Variants in NAV3 observed in about 807,000 individuals in gnomAD.
NAV3 encodes the protein pore membrane and/or filament interacting like protein 1.
NAV3 carries 87 observed loss-of-function variants against 244.7 expected under a neutral mutation model. The observed-to-expected ratio is 0.36, with a 90% CI of 0.30 to 0.42. The LOEUF (loss-of-function observed/expected upper bound fraction) is 0.42. Among genes scored for constraint, NAV3 ranks in the 20% least tolerant of loss-of-function variants. The pLI is 1.00. For synonymous variants in NAV3, 1,126 were observed against 1,042.2 expected, an observed-to-expected ratio of 1.08 and a Z score of -1.55; for missense variants, 2,663 against 2,893.3, an observed-to-expected ratio of 0.92 and a Z score of 1.83.
chr12:77,980,731 T>C (rs1312237814), intron 5 of NAV3, among the ~76,000 whole-genome samples: 1 of 152,184 alleles, frequency 6.6e-6, no homozygotes, highest in Non-Finnish European at 1.5e-5. Context: ...CAGAACAGCA[T>C]TGTAGCGTAG....
At chr12:77,631,243 C>G (rs1471448583) in intron 2 of NAV3, among the ~76,000 whole-genome samples, 1 of 152,104 alleles carries the variant, frequency 6.6e-6, no homozygotes, top group Non-Finnish European at 1.5e-5. Context: ...CTCCCAGTCC[C>G]TCAGCTACTC....
chr12:77,792,808 T>G (rs377730834), intron 2 of NAV3, among the ~76,000 whole-genome samples: 1 of 152,182 alleles, frequency 6.6e-6, no homozygotes, highest in African/African-American at 2.4e-5. Flanking sequence ...GTACACTTAA[T>G]CTCATCTTGA....
chr12:77,722,272 T>C (rs1876672685), intron 2 of NAV3, among the ~76,000 whole-genome samples: 1 of 152,084 alleles, frequency 6.6e-6, no homozygotes, highest in African/African-American at 2.4e-5. Flanking sequence ...CATACTTTAT[T>C]TGATAGGGAT....
At chr12:78,002,097 T>G (rs1593245773) in intron 7 of NAV3, among the ~76,000 whole-genome samples, 1 of 152,336 alleles carries the variant, frequency 6.6e-6, no homozygotes. Context: ...GCAAGTTACC[T>G]TAAGAAATCA....
At chr12:77,654,304 C>A (rs1482466346) in intron 2 of NAV3, among the ~76,000 whole-genome samples, 4 of 152,386 alleles carry the variant, frequency 2.6e-5, no homozygotes, top group African/African-American at 9.6e-5. Flanking sequence ...GAGATTATAT[C>A]CTGCACCTGG....
intron 12 of NAV3, among the ~76,000 whole-genome samples, 199 bp from the exon 13 acceptor site, chr12:78,116,556 CACTGATTCTTTCCAAAT>C (rs1420819553): frequency 6.6e-6 from 1 of 152,152 alleles, no homozygotes; most frequent in African/African-American, 2.4e-5. Context: ...CTGCTCTAGA[CACTGATTCTTTCCAAAT>C]ATCAGATAAG....
chr12:78,027,850 AT>A (rs1235544923), intron 9 of NAV3, among the ~76,000 whole-genome samples: 3 of 151,730 alleles, frequency 2.0e-5, no homozygotes, highest in Non-Finnish European at 4.4e-5. Flanking sequence ...TTGTTTGCTT[AT>A]TTTTCATTGT....
At chr12:78,149,794 T>G (rs1957002378) in intron 22 of NAV3, among the ~76,000 whole-genome samples, 1 of 152,054 alleles carries the variant, frequency 6.6e-6, no homozygotes, top group Non-Finnish European at 1.5e-5. Context: ...GCATGATATG[T>G]CAAGAGTGAG....
intron 12 of NAV3, among the ~76,000 whole-genome samples, chr12:78,099,097 A>T (rs1419392495): frequency 1.3e-5 from 2 of 151,546 alleles, no homozygotes; most frequent in Non-Finnish European, 3.0e-5. Flanking sequence ...TTGTATATTT[A>T]TCCTAATACA....
At position 77,884,579 on chromosome 12, in the gene NAV3, C is replaced by G. The variant is rs143528603; in HGVS notation, c.243+52875C>G. ...GAAAAAGGGTGTCCCAGCTACAGCA[C>G]AGAGAGAGCAAATTTACCCTTCCTT... is the stretch of plus-strand genomic sequence containing the variant. On this transcript the variant is annotated intron_variant, in intron 1 of 39. Transcript: ENST00000397909. 1.5e-3 allele frequency among the ~76,000 whole-genome samples: 234 copies of G among 152,264 alleles called. 1 individual carries two copies. The highest frequency in any genetic ancestry group is 5.0e-3 in the African/African-American group (206 of 41,570).
intron 38 of NAV3, among the ~76,000 whole-genome samples, chr12:78,203,591 GT>G (rs1959966511): frequency 6.6e-6 from 1 of 152,064 alleles, no homozygotes; most frequent in African/African-American, 2.4e-5. Context: ...AGTCCATGAA[GT>G]TTTTATGGTG....
chr12:77,839,962 A>G (rs1875342338), intron 1 of NAV3, among the ~76,000 whole-genome samples: 1 of 152,140 alleles, frequency 6.6e-6, no homozygotes, highest in African/African-American at 2.4e-5. Flanking sequence ...CATCTCAGCT[A>G]CTCAGGAGGC....
intron 7 of NAV3, among the ~76,000 whole-genome samples, chr12:78,001,577 G>C (rs368156401): frequency 3.9e-5 from 6 of 152,130 alleles, no homozygotes; most frequent in Non-Finnish European, 7.4e-5. Context: ...GTGATGTGAC[G>C]CTTAATGAGA....
chr12:78,182,223 AT>A (rs1386547154), intron 30 of NAV3, among the ~76,000 whole-genome samples: 3 of 152,108 alleles, frequency 2.0e-5, no homozygotes, highest in African/African-American at 4.8e-5. Context: ...CACATAAAGT[AT>A]TATCCACACT....
chr12:77,795,323 C>A (rs1280387870), intron 2 of NAV3, among the ~76,000 whole-genome samples: 1 of 152,116 alleles, frequency 6.6e-6, no homozygotes, highest in South Asian at 2.1e-4. Context: ...TGTAACAAGG[C>A]TGAAAAAGGT....
chr12:77,966,976 A>G (rs114810980), intron 4 of NAV3, among the ~76,000 whole-genome samples: 1 of 152,228 alleles, frequency 6.6e-6, no homozygotes, highest in African/African-American at 2.4e-5. Flanking sequence ...AAAATTTGCC[A>G]TACTTGAGAA....
chr12:77,968,716 G>A lies in NAV3; in HGVS notation c.671+14G>A. On this transcript the variant is annotated intron_variant, in intron 5 of 39. Transcript: ENST00000397909. ...TATGCAGTCCAGGTAAGGAAAGGAAGTAGGGAATGTGTTTCCAATTAGTTT... is the reference window on the plus strand; with the variant it reads ...TATGCAGTCCAGGTAAGGAAAGGAAATAGGGAATGTGTTTCCAATTAGTTT... 4 of 1,605,694 alleles carry A rather than the reference G, an allele frequency of 2.5e-6. No homozygotes were observed. The highest frequency in any genetic ancestry group is 3.4e-6 in the Non-Finnish European group (4 of 1,174,560).
chr12:77,971,314 A>G (rs1746651539), intron 5 of NAV3, among the ~76,000 whole-genome samples: 1 of 152,108 alleles, frequency 6.6e-6, no homozygotes, highest in African/African-American at 2.4e-5. Context: ...GAATTGATAT[A>G]TAATTTAATA....
chr12:77,901,713 G>GA (rs1268038583), intron 1 of NAV3, among the ~76,000 whole-genome samples: 1 of 151,834 alleles, frequency 6.6e-6, no homozygotes, highest in African/African-American at 2.4e-5. Context: ...TTCAAAAAAA[G>GA]AAAAAAAGAA....
Sources: allele counts gnomAD v4.1 joint callset (sites outside exome capture counted in the v4.1 genomes callset), GRCh38; gene constraint gnomAD v4.1.1; transcripts MANE v1.5; gene names NCBI Gene and HGNC (gene_info 2026-07-23, HGNC 2026-07-21).